TREML1: variants seen among roughly 807,000 people sequenced by gnomAD.
The protein encoded by TREML1 is trem-like transcript 1 protein.
TREML1 carries 27 observed loss-of-function variants against 22.8 expected under a neutral mutation model. That is an observed-to-expected ratio of 1.19 (90% CI 0.87 to 1.64). The LOEUF is 1.64. Ranked by LOEUF, TREML1 falls within the 40% of genes most tolerant of loss-of-function variation. The pLI, the probability that TREML1 is intolerant of heterozygous loss-of-function variation, is 0.00. For missense variants in TREML1, 356 were observed against 382.0 expected (o/e 0.93, Z 0.57); for synonymous variants, 153 against 161.9 (o/e 0.94, Z 0.42).
At chr6:41,154,878 A>G (rs1765380904), upstream of TREML1, among the ~76,000 whole-genome samples, 2 of 152,310 alleles carry the variant, frequency 1.3e-5, no homozygotes, top group Admixed American at 1.3e-4. Context: ...TCTGGGAAAC[A>G]AATTCTTACT....
chr6:41,154,158 A>T lies in TREML1; in HGVS notation c.44-68T>A, dbSNP rs539960281. Reference sequence around the variant, plus strand: ...AGCATCTCCCAGCCCAGCTGCTGGTATGGGTGTGGCATTCACAATAACACG... The same window carrying T: ...AGCATCTCCCAGCCCAGCTGCTGGTTTGGGTGTGGCATTCACAATAACACG... On this transcript the variant is annotated intron_variant, in intron 1 of 5. Transcript: ENST00000426005. 23 of 1,584,768 alleles carry T rather than the reference A, an allele frequency of 1.5e-5. No homozygotes were observed. The African/African-American group carries it at 3.0e-4, about 20-fold the overall frequency.
chr6:41,149,316 T>A (rs527570681), downstream of TREML1: 75 of 324,216 alleles, frequency 2.3e-4, no homozygotes, highest in African/African-American at 1.5e-3. Flanking sequence ...CTTGGGCAGT[T>A]TCCTTTCCCA....
chr6:41,150,818 C>A lies in TREML1; in HGVS notation c.568+1G>T. 6.2e-7 allele frequency: 1 copy of A among 1,613,804 alleles called. No individual in the cohort carries two copies. Among genetic ancestry groups the A allele is most frequent in the South Asian group, 1.1e-5 (1 of 91,066 alleles). ...GCTGAGATAGGAAGATAGCCACCTA[C>A]CTTGTTTCCTCTTGGCCATCACAGC... On this transcript the variant is annotated splice_donor_variant, in intron 4 of 5. Coordinates refer to ENST00000426005, the MANE Select transcript of TREML1 (RefSeq NM_178174.4). LOFTEE classifies it high-confidence loss of function.
chr6:41,151,942 C>A (rs1342176680), intron 2 of TREML1, among the ~76,000 whole-genome samples: 2 of 152,198 alleles, frequency 1.3e-5, no homozygotes, highest in Non-Finnish European at 2.9e-5. Flanking sequence ...AACCAACTGA[C>A]CCTTGCTGAG....
intron 4 of TREML1, 115 bp downstream of exon 4, chr6:41,150,704 A>T: frequency 1.1e-6 from 1 of 936,902 alleles, no homozygotes; most frequent in Non-Finnish European, 1.7e-6. Flanking sequence ...CTTGAGACTT[A>T]AGCCCAGGCA....
chr6:41,151,317 A>ACTGC lies in TREML1; in HGVS notation c.440_443dup (p.Ser148ArgfsTer12), dbSNP rs757948899. Reference sequence around the variant, plus strand: ...CCTGGCTGGGTTCCAAAGGGTTGGCACTGCCTGCAGGGTCTGAGAATGCGT... The same window carrying ACTGC: ...CCTGGCTGGGTTCCAAAGGGTTGGCACTGCCTGCCTGCAGGGTCTGAGAATGCGT... On this transcript the variant is annotated frameshift_variant, in exon 3 of 6. Coordinates refer to ENST00000426005, the MANE Select transcript of TREML1 (RefSeq NM_178174.4). LOFTEE classifies it high-confidence loss of function. 4.3e-6 allele frequency: 7 copies of ACTGC among 1,614,192 alleles called. No homozygotes were observed. The South Asian group carries it at 7.7e-5, about 18-fold the overall frequency.
rs1017680374 is a variant in TREML1 at position 41,153,984 on chromosome 6, C to T, written c.150G>A (p.Val50=). 2.5e-6 allele frequency: 4 copies of T among 1,614,208 alleles called. No homozygotes were observed. The highest frequency in any genetic ancestry group is 2.7e-5 in the African/African-American group (2 of 75,068). ...YRLQDVKAQK[V]WCRFLPEGCQ... ...ACCCCTCCGGCAAGAACCGGCACCA[C>T]ACCTTCTGAGCTTTGACATCCTGGA... is the stretch of plus-strand genomic sequence containing the variant. Residue 50 remains valine, a synonymous_variant, in exon 2 of 6, where the codon GTG becomes GTA. Coordinates refer to ENST00000426005, the MANE Select transcript of TREML1 (RefSeq NM_178174.4).
chr6:41,153,051 A>G (rs185529855), intron 2 of TREML1, among the ~76,000 whole-genome samples: 20 of 151,566 alleles, frequency 1.3e-4, no homozygotes, highest in Admixed American at 1.1e-3. Flanking sequence ...AGAACATCCT[A>G]TCTTTCTTAA....
rs1007220009 is a variant in TREML1 at position 41,153,977 on chromosome 6, G to A, written c.157C>T (p.Arg53Trp). The change falls in exon 2 of 6, where the codon CGG (arginine) becomes TGG (tryptophan). Residue 53 changes from arginine to tryptophan, a missense_variant. Physicochemically the swap from Arg to Trp is moderately radical, Grantham distance 101. Transcript: ENST00000426005. ...QDVKAQKVWC[R>W]FLPEGCQPLV... ...GGCTGGCACCCCTCCGGCAAGAACCGGCACCACACCTTCTGAGCTTTGACA... is the reference window on the plus strand; with the variant it reads ...GGCTGGCACCCCTCCGGCAAGAACCAGCACCACACCTTCTGAGCTTTGACA... 20 of 1,614,038 alleles carry A rather than the reference G, an allele frequency of 1.2e-5. No individual in the cohort carries two copies. The highest frequency in any genetic ancestry group is 8.3e-5 in the Admixed American group (5 of 60,010).
upstream of TREML1, chr6:41,154,403 T>C (rs1246348883): frequency 1.5e-5 from 13 of 847,282 alleles, no homozygotes; most frequent in Non-Finnish European, 1.9e-5. Context: ...AAGGAAATGA[T>C]GGGCACCTCC....
Position 41,150,260 on chromosome 6 carries a change from C to T in TREML1, c.621+1G>A, listed in dbSNP as rs149851561. Reference sequence around the variant, plus strand: ...GCTGTGGGCCTGCAGAGGCCTCTTACCATGCCTGAAACTCTGCTGCTCAGG... The same window carrying T: ...GCTGTGGGCCTGCAGAGGCCTCTTATCATGCCTGAAACTCTGCTGCTCAGG... On this transcript the variant is annotated splice_donor_variant, in intron 5 of 5. Coordinates refer to ENST00000426005, the MANE Select transcript of TREML1 (RefSeq NM_178174.4). LOFTEE classifies it high-confidence loss of function. 3.0e-5 allele frequency: 48 copies of T among 1,613,842 alleles called. No individual in the cohort carries two copies. Among genetic ancestry groups the T allele is most frequent in the Non-Finnish European group, 3.7e-5 (44 of 1,179,948 alleles).
At chr6:41,150,008 T>G in intron 5 of TREML1, 90 bp from the exon 6 acceptor site, 2 of 1,306,254 alleles carry the variant, frequency 1.5e-6, no homozygotes, top group Non-Finnish European at 2.1e-6. Context: ...GATCTATCTC[T>G]TGAATCCTGA....
intron 2 of TREML1, among the ~76,000 whole-genome samples, chr6:41,152,587 A>G (rs1211816740): frequency 6.6e-6 from 1 of 152,136 alleles, no homozygotes; most frequent in East Asian, 1.9e-4. Flanking sequence ...AAAACAAGGG[A>G]AGGGGCCAGG....
Position 41,149,541 on chromosome 6 carries a change from G to A in TREML1, c.*63C>T, listed in dbSNP as rs892373446. The A allele has an allele frequency of 9.8e-6, 15 of 1,526,572 alleles. No homozygotes were observed. The African/African-American group carries it at 2.1e-4, about 21-fold the overall frequency. The allele number at this position is 1,526,572 out of a possible 1,614,324, so 94.6% of individuals were successfully genotyped here. A position where few individuals can be genotyped will look rare whatever the true frequency, so the allele number is the denominator to read the frequency against. On this transcript the variant is annotated 3_prime_UTR_variant, in exon 6 of 6. Transcript: ENST00000426005. ...TCCTAAGGATCCTAGGGCATGAGCT[G>A]GCTGGATGGATGCACAGAACCCCTA... is the stretch of plus-strand genomic sequence containing the variant.
In TREML1 at chr6:41,149,453, G is replaced by C. The variant is rs147540499; in HGVS notation, c.*151C>G. 1.2e-6 allele frequency: 1 copy of C among 843,554 alleles called. No homozygotes were observed. The highest frequency in any genetic ancestry group is 1.8e-6 in the Non-Finnish European group (1 of 548,840). The allele number at this position is 843,554 out of a possible 1,614,324, so 52.3% of individuals were successfully genotyped here. ...CAAGACATCTCAGTCATGTCTGAGC[G>C]TCACTTTCCCTAGTAAAGTTAGGAC... On this transcript the variant is annotated 3_prime_UTR_variant, in exon 6 of 6. Coordinates refer to ENST00000426005, the MANE Select transcript of TREML1 (RefSeq NM_178174.4).
At chr6:41,151,934 C>T (rs1012011801) in intron 2 of TREML1, among the ~76,000 whole-genome samples, 2 of 152,208 alleles carry the variant, frequency 1.3e-5, no homozygotes, top group African/African-American at 4.8e-5. Context: ...GCAACACAAA[C>T]CAACTGACCC....
At position 41,150,834 on chromosome 6, in the gene TREML1, C is replaced by T. The variant is rs979314125; in HGVS notation, c.553G>A (p.Ala185Thr). Reference sequence around the variant, plus strand: ...AGCCACCTACCTTGTTTCCTCTTGGCCATCACAGCAAACAGCACCACCGCT... The same window carrying T: ...AGCCACCTACCTTGTTTCCTCTTGGTCATCACAGCAAACAGCACCACCGCT... ...VAAVVLFAVM[A>T]KRKQGNRLGV... The change falls in exon 4 of 6, where the codon GCC (alanine) becomes ACC (threonine). Residue 185 changes from alanine (A) to threonine (T), a missense_variant. Ala to Thr is a moderately conservative substitution (Grantham distance 58). Coordinates refer to ENST00000426005, the MANE Select transcript of TREML1 (RefSeq NM_178174.4). 6.2e-7 allele frequency: 1 copy of T among 1,613,824 alleles called. No homozygotes were observed. Among genetic ancestry groups the T allele is most frequent in the Non-Finnish European group, 8.5e-7 (1 of 1,179,888 alleles).
chr6:41,153,105 C>T (rs545811180), intron 2 of TREML1, among the ~76,000 whole-genome samples: 1 of 149,636 alleles, frequency 6.7e-6, no homozygotes, highest in East Asian at 2.0e-4. Context: ...TTTCTTTTAA[C>T]AAATGCTTAT....
rs761187827 is a variant in TREML1, at chr6:41,153,982, C to G, written c.152G>C (p.Trp51Ser). 2.5e-6 allele frequency: 4 copies of G among 1,614,186 alleles called. No homozygotes were observed. The South Asian group carries it at 4.4e-5, about 18-fold the overall frequency. The change falls in exon 2 of 6, where the codon TGG becomes TCG. Residue 51 changes from tryptophan (W) to serine (S), a missense_variant. Coordinates refer to ENST00000426005, the MANE Select transcript of TREML1 (RefSeq NM_178174.4). ...RLQDVKAQKV[W>S]CRFLPEGCQP... ...GCACCCCTCCGGCAAGAACCGGCAC[C>G]ACACCTTCTGAGCTTTGACATCCTG...
Sources: allele counts gnomAD v4.1 joint callset (sites outside exome capture counted in the v4.1 genomes callset), GRCh38; gene constraint gnomAD v4.1.1; transcripts MANE v1.5; gene names NCBI Gene and HGNC (gene_info 2026-07-23, HGNC 2026-07-21).